TXLNB: variants seen among roughly 807,000 people sequenced by gnomAD.
TXLNB encodes the protein taxilin beta, also known as beta-taxilin.
A neutral mutation model predicts 57.4 loss-of-function variants in TXLNB; 37 were observed. The ratio of observed to expected loss-of-function variants is 0.64; its 90% CI spans 0.50 to 0.85. The LOEUF is 0.85. TXLNB is among the 40% of genes least tolerant of loss of function. The pLI, the probability that TXLNB is intolerant of heterozygous loss-of-function variation, is 0.00. For missense variants in TXLNB, 848 were observed against 825.6 expected (o/e 1.03, Z -0.33); for synonymous variants, 302 against 309.6 (o/e 0.98, Z 0.26).
chr6:139,193,881 G>C, the TXLNB span, among the ~76,000 whole-genome samples: 1 of 123,564 alleles, frequency 8.1e-6, no homozygotes, highest in Admixed American at 8.6e-5. Context: ...TCGCTCTGTC[G>C]CCCAGGCTGG....
chr6:139,298,441 C>T, the TXLNB span, among the ~76,000 whole-genome samples: 2 of 152,168 alleles, frequency 1.3e-5, no homozygotes, highest in African/African-American at 4.8e-5. Flanking sequence ...TCAATATTTG[C>T]TTCAAGGAAG....
At chr6:139,258,655 A>G (rs911878855) in intron 6 of TXLNB, among the ~76,000 whole-genome samples, 32 of 152,194 alleles carry the variant, frequency 2.1e-4, no homozygotes, top group African/African-American at 7.7e-4. Context: ...TAGGTAAATG[A>G]AAATCTCAAG....
chr6:139,206,841 G>A, the TXLNB span, among the ~76,000 whole-genome samples: 4 of 152,298 alleles, frequency 2.6e-5, no homozygotes, highest in South Asian at 8.3e-4. Context: ...GCGAGCAGCA[G>A]TAGTTATTCT....
chr6:139,164,080 A>ACT, the TXLNB span, among the ~76,000 whole-genome samples: 818 of 147,640 alleles, frequency 5.5e-3, 6 homozygotes, highest in Middle Eastern at 7.3e-3. Flanking sequence ...ACACACACAC[A>ACT]CTCTCTCTCT....
chr6:139,256,184 C>G (rs535422290), intron 6 of TXLNB, among the ~76,000 whole-genome samples: 2 of 152,298 alleles, frequency 1.3e-5, no homozygotes, highest in South Asian at 2.1e-4. Flanking sequence ...GTCTCTAGCT[C>G]AAGTATGAAT....
At chr6:139,295,056 A>G (rs995081340), upstream of TXLNB, among the ~76,000 whole-genome samples, 2 of 152,212 alleles carry the variant, frequency 1.3e-5, no homozygotes, top group Non-Finnish European at 2.9e-5. Flanking sequence ...CAGCCTGAAT[A>G]GATGAAAGCC....
chr6:139,210,099 T>C, the TXLNB span, among the ~76,000 whole-genome samples: 1 of 151,988 alleles, frequency 6.6e-6, no homozygotes, highest in East Asian at 1.9e-4. Context: ...CCAACAAACA[T>C]ATGAAAAAAT....
At chr6:139,300,092 G>A in the TXLNB span, among the ~76,000 whole-genome samples, 4 of 152,082 alleles carry the variant, frequency 2.6e-5, no homozygotes, top group South Asian at 8.3e-4. Context: ...TGAGTGTCAT[G>A]AAGCCCCTCC....
downstream of TXLNB, chr6:139,237,242 C>T (rs1170628468): frequency 2.0e-5 from 3 of 152,042 alleles, no homozygotes. Context: ...TGGCTCACAC[C>T]TGTAATTCCA....
At chr6:139,310,976 T>C in the TXLNB span, among the ~76,000 whole-genome samples, 1 of 152,250 alleles carries the variant, frequency 6.6e-6, no homozygotes, top group East Asian at 1.9e-4. Flanking sequence ...ATTACAGGCG[T>C]GAGCCACCGT....
chr6:139,246,327 C>G (rs982585721), intron 8 of TXLNB, among the ~76,000 whole-genome samples: 1 of 152,148 alleles, frequency 6.6e-6, no homozygotes, highest in Non-Finnish European at 1.5e-5. Flanking sequence ...AAGTGCCAAT[C>G]TTCTTCAGGT....
At position 139,288,600 on chromosome 6, in the gene TXLNB, C is replaced by A; in HGVS notation, c.300G>T (p.Gly100=). ...ENAESPDNED[G]DCEETTEEAG... ...CCTCTTCAGTTGTTTCCTCACAGTC[C>A]CCATCCTCGTTGTCAGGTGATTCTG... Residue 100 remains glycine (G), a synonymous_variant, in exon 2 of 10, where the codon GGG becomes GGT. Transcript: ENST00000358430. 6.2e-7 allele frequency: 1 copy of A among 1,614,182 alleles called. No homozygotes were observed. The highest frequency in any genetic ancestry group is 8.5e-7 in the Non-Finnish European group (1 of 1,180,036).
chr6:139,162,304 G>A, the TXLNB span, among the ~76,000 whole-genome samples: 1 of 152,116 alleles, frequency 6.6e-6, no homozygotes, highest in Non-Finnish European at 1.5e-5. Flanking sequence ...CAGTAGGAGT[G>A]GGGAGGAAGT....
At chr6:139,207,842 G>A in the TXLNB span, among the ~76,000 whole-genome samples, 5 of 152,278 alleles carry the variant, frequency 3.3e-5, no homozygotes, top group East Asian at 5.8e-4. Context: ...TTGGGAGGCC[G>A]AGGTGGGCAG....
intron 8 of TXLNB, among the ~76,000 whole-genome samples, chr6:139,245,002 C>T (rs1428918677): frequency 6.6e-6 from 1 of 152,180 alleles, no homozygotes; most frequent in Non-Finnish European, 1.5e-5. Context: ...ATGAACAAGC[C>T]TGTAATTTAG....
At position 139,267,015 on chromosome 6, in the gene TXLNB, T is replaced by C. The variant is rs565515839; in HGVS notation, c.687+3441A>G. 3.5e-5 allele frequency among the ~76,000 whole-genome samples: 5 copies of C among 143,958 alleles called. No homozygotes were observed. The South Asian group carries it at 1.1e-3, about 32-fold the overall frequency. The allele number at this position is 143,958 out of a possible 152,430, so 94.4% of individuals were successfully genotyped here. ...TAGGTTCTCTCAATGCAGAATTCTA[T>C]ATCCAATGAATTTAGCCTTCAATTA... On this transcript the variant is annotated intron_variant, in intron 4 of 9. Transcript: ENST00000358430.
chr6:139,311,730 T>G, the TXLNB span, among the ~76,000 whole-genome samples: 1 of 152,212 alleles, frequency 6.6e-6, no homozygotes. Flanking sequence ...CCGCGTCGTC[T>G]GCAGCTCCAC....
chr6:139,220,402 G>C, the TXLNB span, among the ~76,000 whole-genome samples: 4 of 152,168 alleles, frequency 2.6e-5, no homozygotes, highest in Non-Finnish European at 5.9e-5. Flanking sequence ...AAGTCACTGG[G>C]ATTTGTTTTT....
the TXLNB span, chr6:139,176,831 G>A: frequency 1.4e-6 from 1 of 689,938 alleles, no homozygotes; most frequent in African/African-American, 1.8e-5. The surrounding 1 kb of genome is among the most constrained non-coding windows in gnomAD (Gnocchi z 4.5). Flanking sequence ...GTAGTAAAAG[G>A]GATGCTTTGC....
Sources: gnomAD v4.1 joint callset for allele counts (sites outside exome capture counted in the v4.1 genomes callset) on GRCh38, gnomAD v4.1.1 for gene constraint, Gnocchi (gnomAD v3.1) non-coding constraint, MANE v1.5 for transcripts, NCBI Gene and HGNC (gene_info 2026-07-23, HGNC 2026-07-21) for gene names.